The following PEX6 variants were observed in gnomAD, a reference collection of about 807,000 sequenced individuals.
PEX6 encodes the protein peroxisomal biogenesis factor 6.
A neutral mutation model predicts 85.6 loss-of-function variants in PEX6; 55 were observed. The ratio of observed to expected loss-of-function variants is 0.64; its 90% confidence interval spans 0.52 to 0.80. PEX6 has a LOEUF of 0.80. PEX6 is among the 30% of genes least tolerant of loss of function. The probability of loss-of-function intolerance (pLI) is 0.00; values close to 1 mark genes in which losing one functional copy is unlikely to be tolerated. For missense variants in PEX6, 1,099 were observed against 1,260.3 expected (o/e 0.87, Z 1.94); for synonymous variants, 519 against 549.1 (o/e 0.95, Z 0.77).
chr6:42,973,716 C>T (rs111732099), intron 3 of PEX6, among the ~76,000 whole-genome samples: 1,526 of 152,144 alleles, frequency 0.01, 16 homozygotes, highest in Non-Finnish European at 0.016. Context: ...AATAGCTGGG[C>T]GTGGTGATGC....
chr6:42,968,970 T>G lies in PEX6; in HGVS notation c.1383A>C (p.Thr461=). The part of the protein sequence containing the change: ...PRLQPGGALL[T]GTSSVLLRGP... ...CCCGTAGAAGGACACTGCTAGTTCC[T>G]GTCAGCAGGGCACCCCTGCAACCAG... Residue 461 remains threonine, a synonymous_variant, in exon 6 of 17, where the codon ACA becomes ACC. Transcript: ENST00000304611. The G allele has an allele frequency of 6.2e-7, 1 of 1,613,452 alleles. No homozygotes were observed. The highest frequency in any genetic ancestry group is 1.1e-5 in the South Asian group (1 of 91,074).
chr6:42,978,538 G>A lies in PEX6; in HGVS notation c.613C>T (p.Leu205=). 1 of 1,613,862 alleles carries A rather than the reference G, an allele frequency of 6.2e-7. No individual in the cohort carries two copies. Among genetic ancestry groups the A allele is most frequent in the African/African-American group, 1.3e-5 (1 of 75,058 alleles). Residue 205 remains leucine, a synonymous_variant, in exon 1 of 17, where the codon CTA becomes TTA. Transcript: ENST00000304611. ...CGGAGACAGCTCCGGCTCACCCCTA[G>A]TGAATCTCCAGTCCCTCCCAGAACT... ...QGVLGGTGDS[L]GVSRSCLRGL...
rs768293159 is a variant in PEX6, at chr6:42,966,267, T to C, written c.2275A>G (p.Thr759Ala). 1 of 1,612,244 alleles carries C rather than the reference T, an allele frequency of 6.2e-7. No homozygotes were observed. The highest frequency in any genetic ancestry group is 1.7e-5 in the Admixed American group (1 of 60,022). The change falls in exon 11 of 17, where the codon ACT becomes GCT. Residue 759 changes from threonine to alanine, a missense_variant. Transcript: ENST00000304611. ...GKTLLAKAVA[T>A]ECSLTFLSVK... ...CTGAGGAAGGTAAGGCTGCACTCAG[T>C]GGCTACTGCCTTGGCCAGAAGGGTC...
In PEX6 at chr6:42,978,343, G is replaced by C; in HGVS notation, c.808C>G (p.Leu270Val). 6.2e-7 allele frequency: 1 copy of C among 1,614,188 alleles called. No individual in the cohort carries two copies. Among genetic ancestry groups the C allele is most frequent in the Non-Finnish European group, 8.5e-7 (1 of 1,180,012 alleles). Residue 270 changes from leucine (L) to valine (V), a missense_variant, in exon 1 of 17, where the codon CTG becomes GTG. Leu to Val is a conservative substitution (Grantham distance 32). Coordinates refer to ENST00000304611, the MANE Select transcript of PEX6 (RefSeq NM_000287.4). ...GCCAAAGTGGCAGGGACAAGCGCCA[G>C]TCCGTCAGCGAGGGGCTCTCCCAGC... Reference protein sequence around the residue: ...GPLGEPLADGLALVPATLAFN... With the variant: ...GPLGEPLADGVALVPATLAFN...
At chr6:42,968,737 A>G (rs1323452156) in intron 6 of PEX6, 137 bp downstream of exon 6, 1 of 801,324 alleles carries the variant, frequency 1.2e-6, no homozygotes, top group Non-Finnish European at 2.2e-6. Flanking sequence ...GCATCATGGG[A>G]ATATGCCTGA....
In PEX6 at chr6:42,968,764, G is replaced by A. The variant is rs73432562; in HGVS notation, c.1479+110C>T. ...TATGCCTGACCCACTGGGCTGAAGTGCTAGGGCCTGTGAGTAGACAGAGGA... is the reference window on the plus strand; with the variant it reads ...TATGCCTGACCCACTGGGCTGAAGTACTAGGGCCTGTGAGTAGACAGAGGA... On this transcript the variant is annotated intron_variant, in intron 6 of 16. Coordinates refer to ENST00000304611, the MANE Select transcript of PEX6 (RefSeq NM_000287.4). 51,385 of 887,786 alleles carry A rather than the reference G, an allele frequency of 0.058. 1,773 individuals are homozygous for A. The highest frequency in any genetic ancestry group is 0.13 in the African/African-American group (8,026 of 61,278). The allele number at this position is 887,786 out of a possible 1,614,324, so 55.0% of individuals were successfully genotyped here.
At chr6:42,977,840 T>C (rs1487911900) in intron 1 of PEX6, among the ~76,000 whole-genome samples, 1 of 119,408 alleles carries the variant, frequency 8.4e-6, no homozygotes. Context: ...AGAAACATTA[T>C]GCTTTTTTTT....
In PEX6 at chr6:42,966,318, G is replaced by A. The variant is rs1369209152; in HGVS notation, c.2224C>T (p.Leu742Phe). ...SLGLRRSGLLLHGPPGTGKTL... is the reference protein window; with the variant it reads ...SLGLRRSGLLFHGPPGTGKTL... ...TTGCCGGTGCCAGGGGGCCCATGGA[G>A]CAGAAGGCCTGAGCGTCTCAGGCCC... Residue 742 changes from leucine to phenylalanine, a missense_variant, in exon 11 of 17, where the codon CTC becomes TTC. Leu to Phe is a conservative substitution (Grantham distance 22). Around this residue, in one of 3 missense-constraint regions of PEX6, gnomAD observed 514 missense variants for 627.0 expected, o/e 0.82. Transcript: ENST00000304611. 2 of 1,613,180 alleles carry A rather than the reference G, an allele frequency of 1.2e-6. No individual in the cohort carries two copies. Among genetic ancestry groups the A allele is most frequent in the African/African-American group, 2.7e-5 (2 of 74,928 alleles).
chr6:42,969,542 G>T (rs940317225), intron 5 of PEX6, 126 bp downstream of exon 5: 1 of 1,176,090 alleles, frequency 8.5e-7, no homozygotes, highest in Non-Finnish European at 1.3e-6. Flanking sequence ...AGGACATACT[G>T]GTTTGAGGAA....
At chr6:42,977,253 T>TC (rs1312484252) in intron 1 of PEX6, among the ~76,000 whole-genome samples, 22 of 146,926 alleles carry the variant, frequency 1.5e-4, no homozygotes, top group Admixed American at 1.4e-3. Context: ...AAACCTCACT[T>TC]TTTTTTTTTT....
chr6:42,964,280 G>A lies in PEX6; in HGVS notation c.*55C>T. On this transcript the variant is annotated 3_prime_UTR_variant, in exon 17 of 17. Transcript: ENST00000304611. The surrounding 1 kb of genome is among the most constrained non-coding windows in gnomAD (Gnocchi z 4.6). ...CCCTTCCTTCCCAGATCTCTCTGTG[G>A]GCTATCAAGGTACCTGCAGCCATGC... The A allele has an allele frequency of 6.2e-7, 1 of 1,605,784 alleles. No individual in the cohort carries two copies. The highest frequency in any genetic ancestry group is 8.5e-7 in the Non-Finnish European group (1 of 1,173,822).
At chr6:42,973,861 T>TAC (rs1047866024) in intron 3 of PEX6, 142 bp downstream of exon 3, 14 of 685,304 alleles carry the variant, frequency 2.0e-5, no homozygotes, top group East Asian at 2.8e-5. Context: ...AAGAACCTGT[T>TAC]ACACACACAC....
rs1323099254 is a variant in PEX6, at chr6:42,965,949, A to G, written c.2362+95T>C. On this transcript the variant is annotated intron_variant, in intron 12 of 16. Transcript: ENST00000304611. This position sits in a 1 kb window ranked among gnomAD's most constrained non-coding sequence, Gnocchi z 5.0. ...AACCTGACTTGTAGAAAGGAGGATT[A>G]GGAATGATCATGAGTAGCCTGGGAG... 2 of 1,443,064 alleles carry G rather than the reference A, an allele frequency of 1.4e-6. No individual in the cohort carries two copies. Among genetic ancestry groups the G allele is most frequent in the Admixed American group, 3.3e-5 (2 of 59,798 alleles). 89.4% of individuals were successfully genotyped at this position (1,443,064 alleles called of 1,614,324 possible). A position where few individuals can be genotyped will look rare whatever the true frequency, so the allele number is the denominator to read the frequency against.
chr6:42,976,217 CTTACT>C (rs767877578), intron 1 of PEX6, among the ~76,000 whole-genome samples: 6 of 151,988 alleles, frequency 3.9e-5, no homozygotes, highest in Non-Finnish European at 8.8e-5. Context: ...GTTAGCCAGG[CTTACT>C]TTATTTAGTT....
Position 42,973,983 on chromosome 6 carries a change from G to A in PEX6, c.1130+20C>T. On this transcript the variant is annotated intron_variant, in intron 3 of 16. Transcript: ENST00000304611. ...CCCAGGTTACAAATCCCAGCTGTAG[G>A]ACAGAAGGCAGCTGCATACCTGGGC... The A allele has an allele frequency of 1.3e-6, 2 of 1,575,308 alleles. No homozygotes were observed. Among genetic ancestry groups the A allele is most frequent in the South Asian group, 1.1e-5 (1 of 90,314 alleles).
Position 42,978,827 on chromosome 6 carries a change from A to C in PEX6, c.324T>G (p.Leu108=). 1 of 1,532,806 alleles carries C rather than the reference A, an allele frequency of 6.5e-7. No homozygotes were observed. Among genetic ancestry groups the C allele is most frequent in the Non-Finnish European group, 8.7e-7 (1 of 1,146,060 alleles). The allele number at this position is 1,532,806 out of a possible 1,614,324, so 95.0% of individuals were successfully genotyped here. A position where few individuals can be genotyped will look rare whatever the true frequency, so the allele number is the denominator to read the frequency against. ...CGAGCCCAGGCCCCAGCGAGGTGCC[A>C]AGCAGTGCCCAACCTAGCGCCGGGG... ...RRPPALGWAL[L]GTSLGPGLGP... The change falls in exon 1 of 17, where the codon CTT becomes CTG. Residue 108 remains leucine (L), a synonymous_variant. Transcript: ENST00000304611.
intron 3 of PEX6, among the ~76,000 whole-genome samples, chr6:42,972,680 G>A (rs1188605836): frequency 6.6e-6 from 1 of 150,988 alleles, no homozygotes; most frequent in Non-Finnish European, 1.5e-5. Context: ...TGAGGCAGGA[G>A]AATGGCATGA....
At chr6:42,973,571 G>A (rs1365745073) in intron 3 of PEX6, among the ~76,000 whole-genome samples, 1 of 152,122 alleles carries the variant, frequency 6.6e-6, no homozygotes, top group Non-Finnish European at 1.5e-5. Flanking sequence ...ATGTACACAG[G>A]CTGGGGGTGA....
At position 42,967,443 on chromosome 6, in the gene PEX6, G is replaced by A; in HGVS notation, c.1809C>T (p.Ser603=). 1 of 1,612,846 alleles carries A rather than the reference G, an allele frequency of 6.2e-7. No individual in the cohort carries two copies. The highest frequency in any genetic ancestry group is 8.5e-7 in the Non-Finnish European group (1 of 1,179,718). The change falls in exon 8 of 17, where the codon AGC becomes AGT. Residue 603 remains serine (S), a synonymous_variant. Coordinates refer to ENST00000304611, the MANE Select transcript of PEX6 (RefSeq NM_000287.4). ...GGTGGGCAGTGAGGGCCCGCAGGATGCTGAGCCGCTGCCCCTCTGACAGAG... is the reference window on the plus strand; with the variant it reads ...GGTGGGCAGTGAGGGCCCGCAGGATACTGAGCCGCTGCCCCTCTGACAGAG... ...VPALSEGQRL[S]ILRALTAHLP...
Sources: allele counts gnomAD v4.1 joint callset (sites outside exome capture counted in the v4.1 genomes callset), GRCh38; gene constraint gnomAD v4.1.1; regional missense constraint gnomAD v4.1.1; non-coding constraint Gnocchi (gnomAD v3.1); transcripts MANE v1.5; gene names NCBI Gene and HGNC (gene_info 2026-07-23, HGNC 2026-07-21).